Variants in CLSTN1 observed in about 807,000 individuals in gnomAD.
CLSTN1 encodes calsyntenin 1, also known as calsyntenin-1.
A neutral mutation model predicts 108.3 loss-of-function variants in CLSTN1; 28 were observed. That is an observed-to-expected ratio of 0.26 (90% CI 0.19 to 0.35). The LOEUF (loss-of-function observed/expected upper bound fraction) is 0.35. CLSTN1 is among the 10% of genes least tolerant of loss of function. The pLI is 1.00. For synonymous variants in CLSTN1, 524 were observed against 534.9 expected (o/e 0.98, Z 0.28); for missense variants, 1,157 against 1,302.6 (o/e 0.89, Z 1.72).
intron 1 of CLSTN1, among the ~76,000 whole-genome samples, chr1:9,790,974 A>G (rs1271397018): frequency 6.6e-6 from 1 of 151,198 alleles, no homozygotes; most frequent in African/African-American, 2.4e-5. Flanking sequence ...TCTACTAAAA[A>G]TACAAAAATT....
chr1:9,818,045 C>T (rs375923020), intron 1 of CLSTN1, among the ~76,000 whole-genome samples: 12 of 140,482 alleles, frequency 8.5e-5, no homozygotes, highest in African/African-American at 2.4e-4. Flanking sequence ...CTTGCTCTGT[C>T]GCTCAGGCTG....
chr1:9,802,804 A>C (rs79398231), intron 1 of CLSTN1, among the ~76,000 whole-genome samples: 1,984 of 150,600 alleles, frequency 0.013, 30 homozygotes, highest in East Asian at 0.043. Flanking sequence ...CCATATAATT[A>C]AGGAGCTGAT....
chr1:9,789,085 C>T (rs1450719749), intron 1 of CLSTN1, among the ~76,000 whole-genome samples: 2 of 151,432 alleles, frequency 1.3e-5, no homozygotes, highest in Non-Finnish European at 2.9e-5. Context: ...GGTTAACAGA[C>T]GCTGGGTTGC....
chr1:9,731,053 C>T (rs1229773529), intron 18 of CLSTN1, 153 bp downstream of exon 18: 16 of 863,028 alleles, frequency 1.9e-5, no homozygotes, highest in South Asian at 4.5e-5. Flanking sequence ...CTCTCAGCCT[C>T]GGTTTACCCA....
At chr1:9,780,183 G>A (rs896952358) in intron 1 of CLSTN1, among the ~76,000 whole-genome samples, 1 of 152,004 alleles carries the variant, frequency 6.6e-6, no homozygotes, top group Non-Finnish European at 1.5e-5. Flanking sequence ...AGCAAAAATT[G>A]CTAGTTCAAT....
chr1:9,765,981 G>A (rs1652311259), intron 2 of CLSTN1, among the ~76,000 whole-genome samples: 1 of 152,152 alleles, frequency 6.6e-6, no homozygotes, highest in South Asian at 2.1e-4. Context: ...GTGAAATGCA[G>A]CAGTTAACCC....
chr1:9,771,152 T>C (rs1652656243), intron 2 of CLSTN1, among the ~76,000 whole-genome samples: 1 of 152,160 alleles, frequency 6.6e-6, no homozygotes, highest in Admixed American at 6.5e-5. Flanking sequence ...CTTCTTGAAA[T>C]GCGTAAAACA....
At chr1:9,776,143 AT>A (rs1253119613) in intron 1 of CLSTN1, among the ~76,000 whole-genome samples, 1 of 151,986 alleles carries the variant, frequency 6.6e-6, no homozygotes, top group Non-Finnish European at 1.5e-5. Context: ...CAGTTTCTGT[AT>A]TTTTAGTAGA....
At chr1:9,737,092 G>A (rs1650732445) in intron 11 of CLSTN1, among the ~76,000 whole-genome samples, 1 of 151,978 alleles carries the variant, frequency 6.6e-6, no homozygotes, top group South Asian at 2.1e-4. Context: ...AAAAAAGAGA[G>A]ACGTCTATTT....
rs532115526 is a variant in CLSTN1, at chr1:9,744,606, C to T, written c.1023G>A (p.Pro341=). The T allele has an allele frequency of 1.5e-5, 25 of 1,613,124 alleles. No individual in the cohort carries two copies. The highest frequency in any genetic ancestry group is 6.6e-5 in the South Asian group (6 of 91,052). Residue 341 remains proline (P), a synonymous_variant, in exon 8 of 19, where the codon CCG becomes CCA. Coordinates refer to ENST00000377298, the MANE Select transcript of CLSTN1 (RefSeq NM_001009566.3). The part of the protein sequence containing the change: ...AAGTAELLPS[P]SGSLNWTMGL... ...CCATGGTCCAGTTGAGGGATCCACTCGGGGATGGCAGCAGCTCGGCAGTGC... is the reference window on the plus strand; with the variant it reads ...CCATGGTCCAGTTGAGGGATCCACTTGGGGATGGCAGCAGCTCGGCAGTGC...
At chr1:9,802,908 T>A (rs1378013815) in intron 1 of CLSTN1, among the ~76,000 whole-genome samples, 1 of 146,470 alleles carries the variant, frequency 6.8e-6, no homozygotes, top group Non-Finnish European at 1.5e-5. Flanking sequence ...CACTGCAGCC[T>A]CAAGCTCCAG....
chr1:9,818,774 ACTC>A lies in CLSTN1; in HGVS notation c.91+4866_91+4868del, dbSNP rs1266492373. Among the ~76,000 whole-genome samples the A allele has an allele frequency of 1.4e-4, 19 of 135,588 alleles. No individual in the cohort carries two copies. In the South Asian group the frequency reaches 1.8e-3, roughly 13 times the overall value. 89.0% of individuals were successfully genotyped at this position (135,588 alleles called of 152,430 possible). A position where few individuals can be genotyped will look rare whatever the true frequency, so the allele number is the denominator to read the frequency against. On this transcript the variant is annotated intron_variant, in intron 1 of 18. Transcript: ENST00000377298. ...TTATAAAGACATATTTCTTCAAGCAACTCTTTTTTTTTTTTTTTTTTTTTTTTT... is the reference window on the plus strand; with the variant it reads ...TTATAAAGACATATTTCTTCAAGCAATTTTTTTTTTTTTTTTTTTTTTTTT...
At chr1:9,773,686 T>C (rs977368175) in intron 1 of CLSTN1, among the ~76,000 whole-genome samples, 3 of 152,126 alleles carry the variant, frequency 2.0e-5, no homozygotes, top group African/African-American at 7.2e-5. Context: ...GGGAAGACTA[T>C]CTCTGTTTTC....
intron 1 of CLSTN1, among the ~76,000 whole-genome samples, chr1:9,801,456 C>A (rs2101271386): frequency 6.6e-6 from 1 of 152,346 alleles, no homozygotes; most frequent in East Asian, 1.9e-4. Flanking sequence ...GATGGGTTCA[C>A]TGGTGAATTG....
chr1:9,816,716 G>T (rs574619212), intron 1 of CLSTN1, among the ~76,000 whole-genome samples: 5 of 151,944 alleles, frequency 3.3e-5, no homozygotes, highest in African/African-American at 1.2e-4. Context: ...GTGTGATCTC[G>T]ACTCACTGCA....
Position 9,763,547 on chromosome 1 carries a change from C to T in CLSTN1, c.215-7037G>A, listed in dbSNP as rs117935196. Among the ~76,000 whole-genome samples, 661 of 152,254 alleles carry T rather than the reference C, an allele frequency of 4.3e-3. 12 individuals carry two copies. Among genetic ancestry groups the T allele is most frequent in the East Asian group, 0.043 (221 of 5,178 alleles). On this transcript the variant is annotated intron_variant, in intron 2 of 18. Transcript: ENST00000377298. The stretch of plus-strand genomic sequence containing the variant: ...GCCCATTGGGGGTTTGCAAACCTAG[C>T]TGGCTGGTATGGATTTCTCAGGTGC...
chr1:9,753,026 G>A (rs761943325), intron 4 of CLSTN1, among the ~76,000 whole-genome samples: 2 of 152,144 alleles, frequency 1.3e-5, no homozygotes, highest in Non-Finnish European at 2.9e-5. Context: ...CTGGACTTGA[G>A]AACACCAGCA....
intron 2 of CLSTN1, among the ~76,000 whole-genome samples, chr1:9,764,874 C>CT (rs1195101332): frequency 6.6e-6 from 1 of 151,986 alleles, no homozygotes; most frequent in East Asian, 1.9e-4. Context: ...TCTGGAAAAC[C>CT]TAGCATAGCT....
chr1:9,737,833 A>G (rs1169540417), intron 10 of CLSTN1, among the ~76,000 whole-genome samples: 1 of 152,184 alleles, frequency 6.6e-6, no homozygotes, highest in South Asian at 2.1e-4. Flanking sequence ...GATGAATGAA[A>G]GCACACACAT....
Sources: allele counts gnomAD v4.1 joint callset (sites outside exome capture counted in the v4.1 genomes callset), GRCh38; gene constraint gnomAD v4.1.1; transcripts MANE v1.5; gene names NCBI Gene and HGNC (gene_info 2026-07-23, HGNC 2026-07-21).